Variants in GNAI1 observed in about 807,000 individuals in gnomAD.
GNAI1 encodes the protein G protein subunit alpha i1, also known as guanine nucleotide-binding protein G(i) subunit alpha-1.
Under a neutral mutation model 38.9 loss-of-function variants are expected in GNAI1, and 11 were observed. The ratio of observed to expected loss-of-function variants is 0.28; its 90% CI spans 0.18 to 0.47. The LOEUF (loss-of-function observed/expected upper bound fraction) is 0.47, where lower values mean the gene tolerates loss of function less well. Among genes scored for constraint, GNAI1 ranks in the 20% least tolerant of loss-of-function variants. The pLI is 0.99. For missense variants in GNAI1, 317 were observed against 436.9 expected, an observed-to-expected ratio of 0.73 and a Z score of 2.45; for synonymous variants, 166 against 145.1, an observed-to-expected ratio of 1.14 and a Z score of -1.04.
intron 1 of GNAI1, among the ~76,000 whole-genome samples, chr7:80,169,677 C>T (rs1562830548): frequency 6.6e-6 from 1 of 152,126 alleles, no homozygotes; most frequent in African/African-American, 2.4e-5. Flanking sequence ...CTTTTAAAGA[C>T]AGTTTTATTG....
At position 80,225,521 on chromosome 7, in the gene GNAI1, C is replaced by T. The variant is rs1324219393; in HGVS notation, c.*8028C>T. 6.6e-6 allele frequency among the ~76,000 whole-genome samples: 1 copy of T among 151,912 alleles called. No homozygotes were observed. Among genetic ancestry groups the T allele is most frequent in the Non-Finnish European group, 1.5e-5 (1 of 67,982 alleles). ...GCCAAATTCCTTTCTTTCTCCACACCTCCCACAGGACTGGGCTGAGCACAG... is the reference window on the plus strand; with the variant it reads ...GCCAAATTCCTTTCTTTCTCCACACTTCCCACAGGACTGGGCTGAGCACAG... On this transcript the variant is annotated 3_prime_UTR_variant, in exon 8 of 8. Transcript: ENST00000649796.
At chr7:80,217,223 T>TATGTATGAAACTGACTTCAGTGTCAG in intron 7 of GNAI1, 80 bp from the exon 8 acceptor site, 1 of 910,892 alleles carries the variant, frequency 1.1e-6, no homozygotes, top group Non-Finnish European at 1.6e-6. Context: ...TTCAGTTTCA[T>TATGTATGAAACTGACTTCAGTGTCAG]ATGTATGAAA....
chr7:80,217,214 T>TCAGTTTCATATGTATGAAACTGACTA, intron 7 of GNAI1, 89 bp from the exon 8 acceptor site: 2 of 828,968 alleles, frequency 2.4e-6, no homozygotes, highest in Non-Finnish European at 3.7e-6. Context: ...GAAACTGACT[T>TCAGTTTCATATGTATGAAACTGACTA]CAGTTTCATA....
intron 1 of GNAI1, among the ~76,000 whole-genome samples, chr7:80,180,888 A>G (rs1258134717): frequency 6.6e-6 from 1 of 152,148 alleles, no homozygotes; most frequent in African/African-American, 2.4e-5. Flanking sequence ...CCTGGTCTTC[A>G]TTCAGTGATG....
intron 5 of GNAI1, among the ~76,000 whole-genome samples, chr7:80,209,144 A>G (rs1562843976): frequency 1.3e-5 from 2 of 152,030 alleles, no homozygotes; most frequent in Admixed American, 6.6e-5. Context: ...ATATTCTTCT[A>G]CCTCCTACAT....
At chr7:80,172,351 G>T (rs1400345543) in intron 1 of GNAI1, among the ~76,000 whole-genome samples, 3 of 152,158 alleles carry the variant, frequency 2.0e-5, no homozygotes, top group African/African-American at 7.2e-5. Context: ...GGAGCTGAAG[G>T]TAGTTAAGTT....
At position 80,220,504 on chromosome 7, in the gene GNAI1, A is replaced by G. The variant is rs1789053076; in HGVS notation, c.*3011A>G. Among the ~76,000 whole-genome samples the G allele has an allele frequency of 1.3e-5, 2 of 152,206 alleles. No individual in the cohort carries two copies. The highest frequency in any genetic ancestry group is 1.3e-4 in the Admixed American group (2 of 15,288). ...TCCGTCTCTAGGCTTAGACCTGACCAATCCGAGTCCTCCAGCATTGGACGA... is the reference window on the plus strand; with the variant it reads ...TCCGTCTCTAGGCTTAGACCTGACCGATCCGAGTCCTCCAGCATTGGACGA... On this transcript the variant is annotated 3_prime_UTR_variant, in exon 8 of 8. Coordinates refer to ENST00000649796, the MANE Select transcript of GNAI1 (RefSeq NM_002069.6).
chr7:80,173,587 G>A (rs1457792591), intron 1 of GNAI1, among the ~76,000 whole-genome samples: 1 of 152,134 alleles, frequency 6.6e-6, no homozygotes, highest in African/African-American at 2.4e-5. Flanking sequence ...CCCAATTGGT[G>A]TGGGGGACAG....
At chr7:80,146,272 C>T (rs1391247994) in intron 1 of GNAI1, among the ~76,000 whole-genome samples, 1 of 152,162 alleles carries the variant, frequency 6.6e-6, no homozygotes. Context: ...CTGTAGCTCC[C>T]AAGCTTGCAG....
At chr7:80,169,752 G>A (rs950271639) in intron 1 of GNAI1, among the ~76,000 whole-genome samples, 4 of 151,896 alleles carry the variant, frequency 2.6e-5, no homozygotes, top group Non-Finnish European at 4.4e-5. Flanking sequence ...GCATAATGTC[G>A]TGCAGCCATT....
chr7:80,205,056 A>C (rs1788750179), intron 5 of GNAI1, among the ~76,000 whole-genome samples: 1 of 152,158 alleles, frequency 6.6e-6, no homozygotes. Context: ...AAAATGTCAC[A>C]TGTCCCAAGT....
intron 1 of GNAI1, among the ~76,000 whole-genome samples, chr7:80,147,374 TAAAAAA>T (rs35187234): frequency 7.2e-6 from 1 of 139,338 alleles, no homozygotes; most frequent in Non-Finnish European, 1.5e-5. Context: ...GTATCCTTAT[TAAAAAA>T]AAAAAAAAAG....
intron 1 of GNAI1, among the ~76,000 whole-genome samples, chr7:80,138,239 G>C (rs1297226157): frequency 6.6e-6 from 1 of 152,148 alleles, no homozygotes; most frequent in African/African-American, 2.4e-5. Context: ...ATTTTAAACA[G>C]CTGGGCTGAG....
At chr7:80,214,056 GTCC>G (rs1378215032) in intron 7 of GNAI1, among the ~76,000 whole-genome samples, 1 of 152,006 alleles carries the variant, frequency 6.6e-6, no homozygotes, top group African/African-American at 2.4e-5. Flanking sequence ...CAAGTCCATT[GTCC>G]TCCTGCTCCT....
intron 1 of GNAI1, among the ~76,000 whole-genome samples, chr7:80,158,482 A>T (rs1367181528): frequency 4.6e-5 from 7 of 152,056 alleles, no homozygotes. Flanking sequence ...AGGGGTTGTT[A>T]CCCTCATGCT....
At chr7:80,176,356 A>G (rs1788181748) in intron 1 of GNAI1, among the ~76,000 whole-genome samples, 1 of 152,246 alleles carries the variant, frequency 6.6e-6, no homozygotes, top group South Asian at 2.1e-4. Context: ...TGCAAGGTAA[A>G]GCAGCAAGTG....
chr7:80,143,393 A>G (rs1787561040), intron 1 of GNAI1, among the ~76,000 whole-genome samples: 1 of 152,150 alleles, frequency 6.6e-6, no homozygotes, highest in South Asian at 2.1e-4. Flanking sequence ...TTGGTTATAA[A>G]TCTGTCAGTT....
rs1369121503 is a variant in GNAI1, at chr7:80,217,384, T to C, written c.956T>C (p.Ile319Thr). 4.4e-6 allele frequency: 7 copies of C among 1,606,344 alleles called. No individual in the cohort carries two copies. The highest frequency in any genetic ancestry group is 6.0e-6 in the Non-Finnish European group (7 of 1,174,536). The change falls in exon 8 of 8, where the codon ATA (isoleucine) becomes ACA (threonine). Residue 319 changes from isoleucine (I) to threonine (T), a missense_variant. Physicochemically the swap from Ile to Thr is moderately conservative, Grantham distance 89. Coordinates refer to ENST00000649796, the MANE Select transcript of GNAI1 (RefSeq NM_002069.6). ...AATAAAAGAAAGGACACAAAGGAAA[T>C]ATACACCCACTTCACATGTGCCACA... ...DLNKRKDTKEIYTHFTCATDT... is the reference protein window; with the variant it reads ...DLNKRKDTKETYTHFTCATDT...
At position 80,212,109 on chromosome 7, in the gene GNAI1, G is replaced by GT. The variant is rs1490025054; in HGVS notation, c.721-606dup. On this transcript the variant is annotated intron_variant, in intron 6 of 7. Transcript: ENST00000649796. ...CCCCTGAGTATACCGAGAGACGATT[G>GT]TATTTTTAAAATCAAGTATATGAAA... is the stretch of plus-strand genomic sequence containing the variant. Among the ~76,000 whole-genome samples the GT allele has an allele frequency of 1.6e-4, 24 of 152,184 alleles. No homozygotes were observed. In the East Asian group the frequency reaches 4.5e-3, roughly 28 times the overall value.
Sources: allele counts gnomAD v4.1 joint callset (sites outside exome capture counted in the v4.1 genomes callset), GRCh38; gene constraint gnomAD v4.1.1; transcripts MANE v1.5; gene names NCBI Gene and HGNC (gene_info 2026-07-23, HGNC 2026-07-21).